Variants in CDH13 observed in about 807,000 individuals in gnomAD.
CDH13 encodes cadherin-13.
In CDH13, 24 loss-of-function variants were observed where a neutral mutation model predicts 63.8. The observed-to-expected ratio is 0.38, with a 90% confidence interval of 0.27 to 0.53. The LOEUF is 0.53. CDH13 is among the 20% of genes least tolerant of loss of function. The pLI is 0.85. For synonymous variants in CDH13, 503 were observed against 355.3 expected, an observed-to-expected ratio of 1.42 and a Z score of -4.67; for missense variants, 1,049 against 903.1, an observed-to-expected ratio of 1.16 and a Z score of -2.07.
chr16:83,179,647 C>A (rs1288455365), intron 4 of CDH13, among the ~76,000 whole-genome samples: 2 of 77,712 alleles, frequency 2.6e-5, no homozygotes, highest in African/African-American at 5.0e-5. Flanking sequence ...GCGAGACTCT[C>A]TCTCAGAAAA....
chr16:83,592,447 G>T (rs1906848339), intron 7 of CDH13, among the ~76,000 whole-genome samples: 1 of 152,138 alleles, frequency 6.6e-6, no homozygotes, highest in Admixed American at 6.5e-5. Context: ...ATGTTTCAGT[G>T]AACTCACACT....
intron 2 of CDH13, among the ~76,000 whole-genome samples, chr16:82,993,742 A>C (rs116641764): frequency 0.023 from 3,519 of 152,228 alleles, 125 homozygotes; most frequent in African/African-American, 0.077. Context: ...AAAACACAGA[A>C]AACAGGCCAC....
chr16:82,839,052 C>T (rs1049982934), intron 1 of CDH13, among the ~76,000 whole-genome samples: 2 of 152,236 alleles, frequency 1.3e-5, no homozygotes, highest in South Asian at 4.1e-4. Context: ...TCCAATAAAA[C>T]TTTATTTACA....
intron 2 of CDH13, among the ~76,000 whole-genome samples, chr16:82,951,466 G>A (rs1185240023): frequency 6.6e-6 from 1 of 152,196 alleles, no homozygotes; most frequent in East Asian, 1.9e-4. Flanking sequence ...CTCCTCCCAA[G>A]CCGAGGACAC....
intron 6 of CDH13, among the ~76,000 whole-genome samples, chr16:83,391,051 A>G (rs1008863977): frequency 6.6e-6 from 1 of 152,194 alleles, no homozygotes; most frequent in Non-Finnish European, 1.5e-5. Flanking sequence ...GGTGGGTTGA[A>G]CAAATGGGTT....
At chr16:83,235,686 A>G (rs552289262) in intron 5 of CDH13, among the ~76,000 whole-genome samples, 3 of 151,318 alleles carry the variant, frequency 2.0e-5, no homozygotes, top group East Asian at 1.9e-4. Context: ...CTTAAGATCT[A>G]GGTAATTTAC....
At chr16:82,833,419 A>G (rs2038630466) in intron 1 of CDH13, among the ~76,000 whole-genome samples, 1 of 152,230 alleles carries the variant, frequency 6.6e-6, no homozygotes, top group Non-Finnish European at 1.5e-5. Flanking sequence ...ACTCAAAGCC[A>G]GGTTTGCTTG....
chr16:82,842,366 A>G (rs1003493866), intron 1 of CDH13, among the ~76,000 whole-genome samples: 1 of 151,724 alleles, frequency 6.6e-6, no homozygotes, highest in African/African-American at 2.4e-5. Context: ...AAATGATGGT[A>G]GTCCTTGAAT....
intron 2 of CDH13, among the ~76,000 whole-genome samples, chr16:82,893,775 C>A (rs1300599349): frequency 6.6e-6 from 1 of 152,158 alleles, no homozygotes; most frequent in Non-Finnish European, 1.5e-5. Flanking sequence ...AGAACCTCCT[C>A]TGGACCTCAG....
At chr16:83,480,737 A>G (rs1019183013) in intron 6 of CDH13, among the ~76,000 whole-genome samples, 22 of 152,206 alleles carry the variant, frequency 1.4e-4, no homozygotes, top group African/African-American at 4.3e-4. Context: ...TGGGAGAACT[A>G]TCTGGTTCTC....
chr16:83,034,354 A>G (rs1240311221), intron 3 of CDH13, among the ~76,000 whole-genome samples: 1 of 152,128 alleles, frequency 6.6e-6, no homozygotes, highest in African/African-American at 2.4e-5. Context: ...GCTGTGAGTT[A>G]AGGATAGATG....
intron 4 of CDH13, among the ~76,000 whole-genome samples, chr16:83,137,872 G>GT (rs34202944): frequency 0.23 from 33,655 of 149,156 alleles, 3,939 homozygotes; most frequent in South Asian, 0.33. Context: ...TGTTTTTTAG[G>GT]TTTTTTTTTT....
At chr16:83,696,145 C>A (rs540684340) in intron 10 of CDH13, among the ~76,000 whole-genome samples, 198 of 152,298 alleles carry the variant, frequency 1.3e-3, no homozygotes, top group Middle Eastern at 0.01. Context: ...CTCGCTTCTG[C>A]CTCCCACAGT....
At chr16:83,765,683 G>T (rs890041437) in intron 11 of CDH13, among the ~76,000 whole-genome samples, 1 of 151,954 alleles carries the variant, frequency 6.6e-6, no homozygotes, top group African/African-American at 2.4e-5. Context: ...GAGCTGATTT[G>T]TAAAATACTG....
intron 5 of CDH13, among the ~76,000 whole-genome samples, chr16:83,341,989 C>CCACCCACACACACACA (rs1555532512): frequency 7.2e-6 from 1 of 138,072 alleles, no homozygotes; most frequent in Non-Finnish European, 1.6e-5. Context: ...GTGTCCCCTG[C>CCACCCACACACACACA]CACACACACA....
rs146680636 is a variant in CDH13, at chr16:82,843,685, T to G, written c.46-14677T>G. ...TTCTGAAAGATAATTAATAAAAACCTTCCCATGTGATGACAAATCTGACAT... is the reference window on the plus strand; with the variant it reads ...TTCTGAAAGATAATTAATAAAAACCGTCCCATGTGATGACAAATCTGACAT... On this transcript the variant is annotated intron_variant, in intron 1 of 13. Transcript: ENST00000567109. Among the ~76,000 whole-genome samples, 482 of 152,326 alleles carry G rather than the reference T, an allele frequency of 3.2e-3. 6 individuals carry two copies. Among genetic ancestry groups the G allele is most frequent in the African/African-American group, 0.01 (436 of 41,576 alleles).
intron 2 of CDH13, among the ~76,000 whole-genome samples, chr16:82,938,688 A>C (rs11863181): frequency 0.29 from 44,608 of 152,086 alleles, 7,797 homozygotes; most frequent in African/African-American, 0.49. Flanking sequence ...TAAAAGGTGC[A>C]GGAAGCATCA....
At chr16:83,222,390 G>T (rs911506931) in intron 5 of CDH13, among the ~76,000 whole-genome samples, 1 of 152,156 alleles carries the variant, frequency 6.6e-6, no homozygotes, top group Admixed American at 6.5e-5. Flanking sequence ...CAATTTGGCA[G>T]AATACACATT....
At chr16:83,307,908 T>C (rs1160107339) in intron 5 of CDH13, among the ~76,000 whole-genome samples, 2 of 152,214 alleles carry the variant, frequency 1.3e-5, no homozygotes, top group Non-Finnish European at 2.9e-5. Context: ...CTATGAAGTA[T>C]AGATTATACA....
Sources: allele counts gnomAD v4.1 joint callset (sites outside exome capture counted in the v4.1 genomes callset), GRCh38; gene constraint gnomAD v4.1.1; transcripts MANE v1.5; gene names NCBI Gene and HGNC (gene_info 2026-07-23, HGNC 2026-07-21).